XRN2: variants seen among roughly 807,000 people sequenced by gnomAD.
XRN2 encodes DHM1-like protein.
In XRN2, 44 loss-of-function variants were observed where a neutral mutation model predicts 138.5. That is an observed-to-expected ratio of 0.32 (90% CI 0.25 to 0.41). The LOEUF (loss-of-function observed/expected upper bound fraction) is 0.41, where lower values mean the gene tolerates loss of function less well. Among genes scored for constraint, XRN2 ranks in the 10% least tolerant of loss-of-function variants. The pLI is 1.00. For synonymous variants in XRN2, 354 were observed against 369.4 expected, an observed-to-expected ratio of 0.96 and a Z score of 0.48; for missense variants, 937 against 1,169.3, an observed-to-expected ratio of 0.80 and a Z score of 2.90.
intron 27 of XRN2, among the ~76,000 whole-genome samples, chr20:21,378,572 A>AT (rs1239370507): frequency 6.6e-6 from 1 of 152,252 alleles, no homozygotes; most frequent in Non-Finnish European, 1.5e-5. Context: ...GACTAAATGA[A>AT]TTTAAGTAGC....
intron 13 of XRN2, among the ~76,000 whole-genome samples, chr20:21,336,278 G>C (rs1241921873): frequency 6.6e-6 from 1 of 152,148 alleles, no homozygotes; most frequent in Admixed American, 6.5e-5. Context: ...TGGCCAACTT[G>C]GTGAAACCCC....
intron 27 of XRN2, among the ~76,000 whole-genome samples, chr20:21,372,118 T>C (rs2038770661): frequency 6.6e-6 from 1 of 152,190 alleles, no homozygotes; most frequent in African/African-American, 2.4e-5. Flanking sequence ...TTTTGTAAAG[T>C]AGGGATTGAT....
chr20:21,367,353 A>T (rs1397303852), intron 26 of XRN2, among the ~76,000 whole-genome samples: 1 of 152,218 alleles, frequency 6.6e-6, no homozygotes, highest in African/African-American at 2.4e-5. Context: ...ATGATAACTT[A>T]TAAATAGATG....
At chr20:21,360,013 T>C (rs959977584) in intron 24 of XRN2, among the ~76,000 whole-genome samples, 1 of 152,162 alleles carries the variant, frequency 6.6e-6, no homozygotes, top group Non-Finnish European at 1.5e-5. Context: ...GAAAGTATGT[T>C]ATACAAGCTG....
chr20:21,338,995 A>C (rs777163350), intron 13 of XRN2, 49 bp from the exon 14 acceptor site: 1 of 1,553,372 alleles, frequency 6.4e-7, no homozygotes, highest in Non-Finnish European at 8.8e-7. Flanking sequence ...CTTAACTCTG[A>C]CATTTTTGTG....
rs767729066 is a variant in XRN2, at chr20:21,330,512, A to G, written c.459A>G (p.Glu153=). Residue 153 remains glutamate (E), a synonymous_variant, in exon 5 of 30, where the codon GAA becomes GAG. Transcript: ENST00000377191. ...TTCTTCCTCCAGAAGAAATAAAAGA[A>G]AGATTTGACAGCAACTGTATTACAC... The part of the protein sequence containing the change: ...GGFLPPEEIK[E]RFDSNCITPG... 2 of 1,613,898 alleles carry G rather than the reference A, an allele frequency of 1.2e-6. No individual in the cohort carries two copies. The highest frequency in any genetic ancestry group is 1.1e-5 in the South Asian group (1 of 91,048).
chr20:21,332,362 C>G lies in XRN2; in HGVS notation c.780C>G (p.Pro260=), dbSNP rs776427988. ...GAGAAGAATTCAAACCAAACAAGCCCAAACCATGTGGTCTTTGTAATCAGT... is the reference window on the plus strand; with the variant it reads ...GAGAAGAATTCAAACCAAACAAGCCGAAACCATGTGGTCTTTGTAATCAGT... ...IIREEFKPNK[P]KPCGLCNQFG... Residue 260 remains proline, a synonymous_variant, in exon 9 of 30, where the codon CCC becomes CCG. Transcript: ENST00000377191. 6.2e-7 allele frequency: 1 copy of G among 1,613,580 alleles called. No homozygotes were observed. The highest frequency in any genetic ancestry group is 8.5e-7 in the Non-Finnish European group (1 of 1,179,780).
intron 1 of XRN2, among the ~76,000 whole-genome samples, chr20:21,316,512 A>G (rs947110278): frequency 1.4e-4 from 21 of 152,152 alleles, no homozygotes; most frequent in African/African-American, 4.6e-4. Context: ...TGCATTGGCT[A>G]TCTAGTTGTC....
In XRN2 at chr20:21,328,610, A is replaced by C. The variant is rs1303972470; in HGVS notation, c.367A>C (p.Lys123Gln). 4 of 1,614,126 alleles carry C rather than the reference A, an allele frequency of 2.5e-6. No homozygotes were observed. In the South Asian group the frequency reaches 4.4e-5, roughly 18 times the overall value. Residue 123 changes from lysine (K) to glutamine (Q), a missense_variant, in exon 4 of 30, where the codon AAA becomes CAA. This residue lies in a region of XRN2 where 471 missense variants were observed against 581.2 expected (regional missense o/e 0.81). Transcript: ENST00000377191. ...GCGTTCAAGGAGGTTCAGGGCATCAAAAGAAGGAATGGAAGCAGCAGTCGA... is the reference window on the plus strand; with the variant it reads ...GCGTTCAAGGAGGTTCAGGGCATCACAAGAAGGAATGGAAGCAGCAGTCGA... ...QQRSRRFRAS[K>Q]EGMEAAVEKQ...
intron 1 of XRN2, among the ~76,000 whole-genome samples, chr20:21,321,107 C>T (rs376399849): frequency 3.3e-5 from 5 of 152,228 alleles, no homozygotes; most frequent in East Asian, 1.9e-4. Context: ...CCTCAACTTC[C>T]GGGGCTCAGG....
chr20:21,328,719 G>C, intron 4 of XRN2, 49 bp downstream of exon 4: 2 of 1,543,608 alleles, frequency 1.3e-6, no homozygotes, highest in Middle Eastern at 1.7e-4. Flanking sequence ...GATGTATGCA[G>C]AATGAGGGGG....
intron 1 of XRN2, among the ~76,000 whole-genome samples, chr20:21,322,298 C>A (rs185295019): frequency 7.3e-5 from 11 of 150,718 alleles, no homozygotes; most frequent in Admixed American, 1.3e-4. Context: ...TACTAATCAC[C>A]CATAAGTGTT....
At chr20:21,382,118 G>T in intron 28 of XRN2, 61 bp downstream of exon 28, 2 of 1,463,876 alleles carry the variant, frequency 1.4e-6, no homozygotes, top group Non-Finnish European at 9.3e-7. Flanking sequence ...TGGGGTTTAT[G>T]GTTTTTATGG....
At chr20:21,368,738 A>C in intron 27 of XRN2, 148 bp downstream of exon 27, 1 of 1,095,116 alleles carries the variant, frequency 9.1e-7, no homozygotes, top group Non-Finnish European at 1.3e-6. Context: ...TTGTGAGAGA[A>C]TACCTTATGC....
intron 27 of XRN2, 84 bp from the exon 28 acceptor site, chr20:21,381,910 A>G: frequency 8.7e-7 from 1 of 1,151,222 alleles, no homozygotes; most frequent in Non-Finnish European, 1.2e-6. Flanking sequence ...ATTTTTTTCA[A>G]GAACTTTTAA....
At chr20:21,352,278 T>C (rs923057174) in intron 20 of XRN2, among the ~76,000 whole-genome samples, 8 of 152,142 alleles carry the variant, frequency 5.3e-5, no homozygotes, top group African/African-American at 1.9e-4. Context: ...GAAGATAAAC[T>C]ATATCTGGAT....
At chr20:21,382,832 A>T (rs922347590) in intron 28 of XRN2, among the ~76,000 whole-genome samples, 3 of 152,246 alleles carry the variant, frequency 2.0e-5, no homozygotes, top group African/African-American at 7.2e-5. Flanking sequence ...TTTAAAGGCC[A>T]GCTTTAAGAT....
At chr20:21,365,197 T>C (rs1355764491) in intron 24 of XRN2, among the ~76,000 whole-genome samples, 1 of 152,204 alleles carries the variant, frequency 6.6e-6, no homozygotes, top group Non-Finnish European at 1.5e-5. Flanking sequence ...TCATCACCAA[T>C]AGTCAGCTAG....
intron 24 of XRN2, among the ~76,000 whole-genome samples, chr20:21,365,208 A>G (rs1191735845): frequency 2.0e-5 from 3 of 152,222 alleles, no homozygotes; most frequent in Non-Finnish European, 4.4e-5. Flanking sequence ...AGTCAGCTAG[A>G]ACATAACTTT....
Sources: gnomAD v4.1 joint callset for allele counts (sites outside exome capture counted in the v4.1 genomes callset) on GRCh38, gnomAD v4.1.1 for gene constraint, gnomAD v4.1.1 regional missense constraint, MANE v1.5 for transcripts, NCBI Gene and HGNC (gene_info 2026-07-23, HGNC 2026-07-21) for gene names.